KRT24: variants seen among roughly 807,000 people sequenced by gnomAD.
KRT24 encodes keratin, type I cytoskeletal 24.
KRT24 carries 44 observed loss-of-function variants against 51.7 expected under a neutral mutation model. That is an observed-to-expected ratio of 0.85 (90% CI 0.67 to 1.09). The LOEUF (loss-of-function observed/expected upper bound fraction) is 1.09, where lower values mean the gene tolerates loss of function less well. Ranked by LOEUF, KRT24 falls within the 50% of genes least tolerant of loss-of-function variation. The probability of loss-of-function intolerance (pLI) is 0.00; values close to 1 mark genes in which losing one functional copy is unlikely to be tolerated. For missense variants in KRT24, 633 were observed against 647.0 expected, an observed-to-expected ratio of 0.98 and a Z score of 0.24; for synonymous variants, 241 against 249.5, an observed-to-expected ratio of 0.97 and a Z score of 0.32.
rs1207380368 is a variant in KRT24 at position 40,698,236 on chromosome 17, C to T, written c.*1G>A. 3 of 1,595,174 alleles carry T rather than the reference C, an allele frequency of 1.9e-6. No individual in the cohort carries two copies. In the South Asian group the frequency reaches 3.3e-5, roughly 18 times the overall value. On this transcript the variant is annotated 3_prime_UTR_variant, in exon 8 of 8. Transcript: ENST00000264651. ...GACACTTTTGTTGATCTGGAAGTTC[C>T]TTATTTAACTTTCACCTCAGAAATA...
At position 40,703,138 on chromosome 17, in the gene KRT24, C is replaced by A. The variant is rs201821647; in HGVS notation, c.556G>T (p.Gly186Cys). ...TTGCTATAATCTCTTCCCGATCCAC[C>A]GTCTCCAGACCCAGGCCCATATTTG... is the stretch of plus-strand genomic sequence containing the variant. ...YDKYGPGSGDGGSGRDYSKYY... is the reference protein window; with the variant it reads ...YDKYGPGSGDCGSGRDYSKYY... The change falls in exon 1 of 8, where the codon GGT becomes TGT. Residue 186 changes from glycine (G) to cysteine (C), a missense_variant. Transcript: ENST00000264651. The A allele has an allele frequency of 6.2e-7, 1 of 1,613,864 alleles. No homozygotes were observed. The highest frequency in any genetic ancestry group is 1.1e-5 in the South Asian group (1 of 91,030).
chr17:40,699,097 G>A lies in KRT24; in HGVS notation c.1361+347C>T, dbSNP rs549932725. 5.0e-3 allele frequency among the ~76,000 whole-genome samples: 760 copies of A among 151,976 alleles called. 6 individuals carry two copies. The highest frequency in any genetic ancestry group is 0.018 in the African/African-American group (733 of 41,536). On this transcript the variant is annotated intron_variant, in intron 6 of 7. Coordinates refer to ENST00000264651, the MANE Select transcript of KRT24 (RefSeq NM_019016.3). ...TCACCATGTTGGCCAGGCTGGTCTCGAACTCCTGACCTCACGTGATCTGCC... is the reference window on the plus strand; with the variant it reads ...TCACCATGTTGGCCAGGCTGGTCTCAAACTCCTGACCTCACGTGATCTGCC...
chr17:40,703,513 C>A lies in KRT24; in HGVS notation c.181G>T (p.Gly61Trp). The change falls in exon 1 of 8, where the codon GGG becomes TGG. Residue 61 changes from glycine (G) to tryptophan (W), a missense_variant. Physicochemically the swap from Gly to Trp is radical, Grantham distance 184. Transcript: ENST00000264651. ...CCAAAGCCCCCTCCAAAGCTGCCCCCAAAAGCACCGCTAGACCCCCCACTC... is the reference window on the plus strand; with the variant it reads ...CCAAAGCCCCCTCCAAAGCTGCCCCAAAAAGCACCGCTAGACCCCCCACTC... ...SLSGGSSGAF[G>W]GSFGGGFGSC... 1 of 1,427,550 alleles carries A rather than the reference C, an allele frequency of 7.0e-7. No individual in the cohort carries two copies. The highest frequency in any genetic ancestry group is 9.4e-7 in the Non-Finnish European group (1 of 1,063,514). 88.4% of individuals were successfully genotyped at this position (1,427,550 alleles called of 1,614,324 possible). A position where few individuals can be genotyped will look rare whatever the true frequency, so the allele number is the denominator to read the frequency against.
In KRT24 at chr17:40,700,454, A is replaced by G. The variant is rs2037663840; in HGVS notation, c.856-71T>C. ...ATGACTTCCGAAAATGTGCCTAGAC[A>G]ACAACAATTTGAAAGTAGGACACTG... On this transcript the variant is annotated intron_variant, in intron 3 of 7. Transcript: ENST00000264651. The G allele has an allele frequency of 2.5e-6, 3 of 1,198,482 alleles. No homozygotes were observed. In the Admixed American group the frequency reaches 6.4e-5, roughly 26 times the overall value. 74.2% of individuals were successfully genotyped at this position (1,198,482 alleles called of 1,614,324 possible).
rs551231340 is a variant in KRT24, at chr17:40,700,792, G to A, written c.855+348C>T. Among the ~76,000 whole-genome samples, 5 of 152,102 alleles carry A rather than the reference G, an allele frequency of 3.3e-5. No individual in the cohort carries two copies. The East Asian group carries it at 9.7e-4, about 29-fold the overall frequency. ...TTATTTTTGTATTTTTAGTAGAGAG[G>A]GGGTTTCACCATGTTGGTCAGGCTG... On this transcript the variant is annotated intron_variant, in intron 3 of 7. Coordinates refer to ENST00000264651, the MANE Select transcript of KRT24 (RefSeq NM_019016.3).
intron 1 of KRT24, among the ~76,000 whole-genome samples, chr17:40,702,873 A>G (rs545165284): frequency 6.2e-4 from 94 of 152,352 alleles, no homozygotes; most frequent in African/African-American, 2.2e-3. Context: ...ATGTAGAAAT[A>G]CTGAAACTGA....
In KRT24 at chr17:40,703,059, T is replaced by G; in HGVS notation, c.615+20A>C. On this transcript the variant is annotated intron_variant, in intron 1 of 7. Coordinates refer to ENST00000264651, the MANE Select transcript of KRT24 (RefSeq NM_019016.3). Reference sequence around the variant, plus strand: ...TGAAAGATCCACAAATAATAGAAACTCAGGCACAGATAGTCTCACCTGGTT... The same window carrying G: ...TGAAAGATCCACAAATAATAGAAACGCAGGCACAGATAGTCTCACCTGGTT... 6.5e-7 allele frequency: 1 copy of G among 1,549,336 alleles called. No homozygotes were observed. The highest frequency in any genetic ancestry group is 8.7e-7 in the Non-Finnish European group (1 of 1,152,046).
chr17:40,703,144 C>T lies in KRT24; in HGVS notation c.550G>A (p.Gly184Arg). 6.2e-7 allele frequency: 1 copy of T among 1,614,104 alleles called. No individual in the cohort carries two copies. The highest frequency in any genetic ancestry group is 1.1e-5 in the South Asian group (1 of 91,066). The part of the protein sequence containing the change: ...EWYDKYGPGS[G>R]DGGSGRDYSK... ...TAATCTCTTCCCGATCCACCGTCTC[C>T]AGACCCAGGCCCATATTTGTCATAC... Residue 184 changes from glycine to arginine, a missense_variant, in exon 1 of 8, where the codon GGA becomes AGA. By Grantham distance (125) the Gly-to-Arg change is moderately radical. Transcript: ENST00000264651.
Position 40,703,583 on chromosome 17 carries a change from GC to G in KRT24, c.110del (p.Gly37AlafsTer16), listed in dbSNP as rs772344547. 8.7e-6 allele frequency: 14 copies of G among 1,611,388 alleles called. No individual in the cohort carries two copies. The highest frequency in any genetic ancestry group is 1.2e-5 in the Non-Finnish European group (14 of 1,179,648). On this transcript the variant is annotated frameshift_variant, in exon 1 of 8. Transcript: ENST00000264651. LOFTEE classifies it high-confidence loss of function. ...CTCCTCGGAAGCCCTGGGCCGAGCT[GC>G]CCCCCAGACCACATCTGCTTCCACT... ...FSSGSRCGLG[G>X]SSAQGFRGGA...
At position 40,699,499 on chromosome 17, in the gene KRT24, T is replaced by C. The variant is rs138048986; in HGVS notation, c.1306A>G (p.Thr436Ala). Residue 436 changes from threonine to alanine, a missense_variant, in exon 6 of 8, where the codon ACA becomes GCA. By Grantham distance (58) the Thr-to-Ala change is moderately conservative (BLOSUM62 0). Coordinates refer to ENST00000264651, the MANE Select transcript of KRT24 (RefSeq NM_019016.3). Reference protein sequence around the residue: ...AEYKQLLDIKTRLEVEIETYR... With the variant: ...AEYKQLLDIKARLEVEIETYR... Reference sequence around the variant, plus strand: ...GTCTCGATCTCCACCTCCAGGCGTGTCTTGATGTCCAGCAATTGCTTGTAC... The same window carrying C: ...GTCTCGATCTCCACCTCCAGGCGTGCCTTGATGTCCAGCAATTGCTTGTAC... The C allele has an allele frequency of 6.2e-7, 1 of 1,614,022 alleles. No individual in the cohort carries two copies. The highest frequency in any genetic ancestry group is 2.2e-5 in the East Asian group (1 of 44,884).
chr17:40,701,166 C>G lies in KRT24; in HGVS notation c.829G>C (p.Ala277Pro), dbSNP rs374848466. ...MQIESFTEEL[A>P]YLRKNHEEEM... The stretch of plus-strand genomic sequence containing the variant: ...TCCTCGTGGTTCTTCCTCAGGTAGG[C>G]TAGCTCCTCGGTGAAACTCTCAATC... The change falls in exon 3 of 8, where the codon GCC becomes CCC. Residue 277 changes from alanine to proline, a missense_variant. By Grantham distance (27) the Ala-to-Pro change is conservative (BLOSUM62 -1). Transcript: ENST00000264651. 8 of 1,613,944 alleles carry G rather than the reference C, an allele frequency of 5.0e-6. No individual in the cohort carries two copies. In the Admixed American group the frequency reaches 8.3e-5, roughly 17 times the overall value.
Position 40,700,118 on chromosome 17 carries a change from T to A in KRT24, c.1023A>T (p.Ala341=), listed in dbSNP as rs373917694. ...CAGTGGAGATTTGTGCTTGTAGTGATGCGCTCTAAATACAAACATAATGCA... is the reference window on the plus strand; with the variant it reads ...CAGTGGAGATTTGTGCTTGTAGTGAAGCGCTCTAAATACAAACATAATGCA... ...EAEERFNKQS[A]SLQAQISTDA... Residue 341 remains alanine, a synonymous_variant, in exon 5 of 8, where the codon GCA becomes GCT. Coordinates refer to ENST00000264651, the MANE Select transcript of KRT24 (RefSeq NM_019016.3). The A allele has an allele frequency of 1.2e-6, 2 of 1,614,220 alleles. No individual in the cohort carries two copies. The highest frequency in any genetic ancestry group is 1.7e-5 in the Admixed American group (1 of 60,030).
chr17:40,702,979 A>T, intron 1 of KRT24, 100 bp downstream of exon 1: 1 of 1,285,892 alleles, frequency 7.8e-7, no homozygotes, highest in Non-Finnish European at 1.1e-6. Flanking sequence ...ACAAGCAAAT[A>T]TGTTTTCAAA....
In KRT24 at chr17:40,700,116, G is replaced by A. The variant is rs1567862161; in HGVS notation, c.1025C>T (p.Ser342Leu). ...AEERFNKQSASLQAQISTDAG... is the reference protein window; with the variant it reads ...AEERFNKQSALLQAQISTDAG... ...ATCAGTGGAGATTTGTGCTTGTAGT[G>A]ATGCGCTCTAAATACAAACATAATG... The change falls in exon 5 of 8, where the codon TCA becomes TTA. Residue 342 changes from serine (S) to leucine (L), a missense_variant. Physicochemically the swap from Ser to Leu is moderately radical, Grantham distance 145 (BLOSUM62 -2). Transcript: ENST00000264651. The A allele has an allele frequency of 2.5e-6, 4 of 1,614,180 alleles. No individual in the cohort carries two copies. The highest frequency in any genetic ancestry group is 3.4e-6 in the Non-Finnish European group (4 of 1,180,026).
intron 1 of KRT24, among the ~76,000 whole-genome samples, chr17:40,702,591 A>G (rs796108558): frequency 2.0e-5 from 3 of 152,304 alleles, no homozygotes; most frequent in African/African-American, 7.2e-5. Flanking sequence ...CAAAAATTGT[A>G]TTTCACTTCC....
rs766820955 is a variant in KRT24 at position 40,703,427 on chromosome 17, C to A, written c.267G>T (p.Gly89=). The change falls in exon 1 of 8, where the codon GGG becomes GGT. Residue 89 remains glycine, a synonymous_variant. Transcript: ENST00000264651. ...GASGSGTGFG[G]GSSFGGVSGF... is the part of the protein sequence containing the mutation. ...CAGAGACCCCGCCAAAGCTAGAACCCCCACCAAATCCTGTCCCAGAGCCTG... is the reference window on the plus strand; with the variant it reads ...CAGAGACCCCGCCAAAGCTAGAACCACCACCAAATCCTGTCCCAGAGCCTG... The A allele has an allele frequency of 1.2e-6, 2 of 1,602,258 alleles. No individual in the cohort carries two copies.
intron 5 of KRT24, 82 bp downstream of exon 5, chr17:40,699,916 C>T: frequency 1.3e-6 from 2 of 1,557,698 alleles, no homozygotes; most frequent in Non-Finnish European, 1.8e-6. Flanking sequence ...TTTTTATGTG[C>T]CTAGTGAACC....
rs12938105 is a variant in KRT24 at position 40,698,971 on chromosome 17, A to G, written c.1362-321T>C. ...AGCTCACTGCAGCCTCAGCCTCCTG[A>G]GCTCAAGTGATCTTCCCGCCTCAGT... On this transcript the variant is annotated intron_variant, in intron 6 of 7. Transcript: ENST00000264651. 8.3e-3 allele frequency among the ~76,000 whole-genome samples: 1,244 copies of G among 150,680 alleles called. 15 individuals carry two copies. Among genetic ancestry groups the G allele is most frequent in the African/African-American group, 0.027 (1,123 of 40,940 alleles).
Position 40,703,347 on chromosome 17 carries a change from G to GT in KRT24, c.346dup (p.Thr116AsnfsTer34). The GT allele has an allele frequency of 6.2e-7, 1 of 1,613,982 alleles. No individual in the cohort carries two copies. Among genetic ancestry groups the GT allele is most frequent in the Non-Finnish European group, 8.5e-7 (1 of 1,179,980 alleles). ...ACCACCATAGCTGTAGAAGCCTCCA[G>GT]TAGCACCACTGCTGAATCTAGAACT... On this transcript the variant is annotated frameshift_variant, in exon 1 of 8. Transcript: ENST00000264651. LOFTEE classifies it high-confidence loss of function.
Sources: gnomAD v4.1 joint callset for allele counts (sites outside exome capture counted in the v4.1 genomes callset) on GRCh38, gnomAD v4.1.1 for gene constraint, MANE v1.5 for transcripts, NCBI Gene and HGNC (gene_info 2026-07-23, HGNC 2026-07-21) for gene names.